The following PHF21B variants were observed in gnomAD, a reference collection of about 807,000 sequenced individuals.
PHF21B encodes PHD finger protein 4.
In PHF21B, 22 loss-of-function variants were observed where a neutral mutation model predicts 62.2. The ratio of observed to expected loss-of-function variants is 0.35; its 90% CI spans 0.25 to 0.51. PHF21B has a LOEUF of 0.51. Ranked by LOEUF, PHF21B falls within the 20% of genes least tolerant of loss-of-function variation. PHF21B has a pLI of 0.97. For synonymous variants in PHF21B, 341 were observed against 314.7 expected (o/e 1.08, Z -0.88); for missense variants, 701 against 707.9 (o/e 0.99, Z 0.11).
chr22:44,921,146 G>GC (rs1159071469), intron 2 of PHF21B, among the ~76,000 whole-genome samples: 1 of 152,128 alleles, frequency 6.6e-6, no homozygotes, highest in South Asian at 2.1e-4. Context: ...CCAAATCCCA[G>GC]CCCCCCAATA....
rs1233569670 is a variant in PHF21B at position 44,883,067 on chromosome 22, G to C, written c.*19C>G. ...GGTCCCAATAACTTTCCGTGGGTAT[G>C]AAGACTGGTCCCTCGGGGTCAGTTG... On this transcript the variant is annotated 3_prime_UTR_variant, in exon 13 of 13. Transcript: ENST00000313237. 1 of 1,598,864 alleles carries C rather than the reference G, an allele frequency of 6.3e-7. No homozygotes were observed. The highest frequency in any genetic ancestry group is 8.5e-7 in the Non-Finnish European group (1 of 1,173,564).
rs1001637510 is a variant in PHF21B at position 44,886,054 on chromosome 22, C to T, written c.1198-116G>A. 5.6e-5 allele frequency: 49 copies of T among 881,422 alleles called. No individual in the cohort carries two copies. The East Asian group carries it at 1.2e-3, about 21-fold the overall frequency. 54.6% of individuals were successfully genotyped at this position (881,422 alleles called of 1,614,324 possible). A position where few individuals can be genotyped will look rare whatever the true frequency, so the allele number is the denominator to read the frequency against. The stretch of plus-strand genomic sequence containing the variant: ...CGCCCTGTCTGAGCCACAGGGTCCT[C>T]ACCCGTGACCAGGAGCTGGGGCCGC... On this transcript the variant is annotated intron_variant, in intron 10 of 12. Transcript: ENST00000313237.
At position 45,009,009 on chromosome 22, in the gene PHF21B, T is replaced by G; in HGVS notation, c.55-399A>C. The G allele has an allele frequency of 9.0e-7, 1 of 1,107,410 alleles. No homozygotes were observed. 68.6% of individuals were successfully genotyped at this position (1,107,410 alleles called of 1,614,324 possible). ...GCTCATAAATATTCAAGTCGCGTCC[T>G]AATCTCCCCAACACACACACGCGCA... On this transcript the variant is annotated intron_variant, in intron 1 of 12. Transcript: ENST00000313237. This position sits in a 1 kb window ranked among gnomAD's most constrained non-coding sequence, Gnocchi z 5.9.
rs1569247149 is a variant in PHF21B, at chr22:44,948,014, C to CTCCCCGCTGTTGTCCCTCA, written c.121-27525_121-27524insTGAGGGACAACAGCGGGGA. 8.5e-4 allele frequency among the ~76,000 whole-genome samples: 129 copies of CTCCCCGCTGTTGTCCCTCA among 152,244 alleles called. 1 individual carries two copies. The highest frequency in any genetic ancestry group is 2.9e-3 in the African/African-American group (120 of 41,548). ...TCCCTCCTCCCCGCTGTTGTCCCTCCTCCCCACTGCTGTCCCGTTCGGACG... is the reference window on the plus strand; with the variant it reads ...TCCCTCCTCCCCGCTGTTGTCCCTCCTCCCCGCTGTTGTCCCTCATCCCCACTGCTGTCCCGTTCGGACG... On this transcript the variant is annotated intron_variant, in intron 2 of 12. Coordinates refer to ENST00000313237, the MANE Select transcript of PHF21B (RefSeq NM_138415.5).
intron 2 of PHF21B, among the ~76,000 whole-genome samples, chr22:44,992,461 C>T (rs1318041245): frequency 5.3e-5 from 8 of 152,240 alleles, no homozygotes; most frequent in African/African-American, 1.9e-4. Flanking sequence ...CCTGCTCCAC[C>T]GCTGGCTGAT....
At chr22:44,995,967 G>A (rs1346795644) in intron 2 of PHF21B, among the ~76,000 whole-genome samples, 1 of 152,152 alleles carries the variant, frequency 6.6e-6, no homozygotes. Flanking sequence ...GTCGCAGAGG[G>A]GACAGTTCAC....
intron 2 of PHF21B, among the ~76,000 whole-genome samples, chr22:44,963,987 G>C (rs760113751): frequency 1.2e-4 from 18 of 152,244 alleles, no homozygotes; most frequent in Admixed American, 9.2e-4. Context: ...TGGCTCCAGG[G>C]CCAGCCAGCT....
At chr22:45,002,814 TCTC>T (rs1365436449) in intron 2 of PHF21B, 2 of 152,376 alleles carry the variant, frequency 1.3e-5, no homozygotes, top group Non-Finnish European at 2.9e-5. Flanking sequence ...CTGCCCTCTC[TCTC>T]CTCCTCGTTC....
chr22:44,896,883 T>TTTTTTGTTTTTG (rs1555933181), intron 5 of PHF21B, among the ~76,000 whole-genome samples: 11 of 132,344 alleles, frequency 8.3e-5, no homozygotes, highest in East Asian at 6.7e-4. Flanking sequence ...TTTATCTGTT[T>TTTTTTGTTTTTG]TTTTTTTTTT....
chr22:44,996,049 C>T (rs546702825), intron 2 of PHF21B, among the ~76,000 whole-genome samples: 2 of 152,286 alleles, frequency 1.3e-5, no homozygotes, highest in South Asian at 4.1e-4. Context: ...CCAAACATCA[C>T]ACTTCATTTC....
At chr22:44,946,178 G>A (rs886952176) in intron 2 of PHF21B, among the ~76,000 whole-genome samples, 2 of 152,104 alleles carry the variant, frequency 1.3e-5, no homozygotes, top group Admixed American at 6.5e-5. Context: ...GGTGCACTGC[G>A]GCAGAGCCCA....
At chr22:44,924,130 G>T (rs1949302984) in intron 2 of PHF21B, among the ~76,000 whole-genome samples, 1 of 149,222 alleles carries the variant, frequency 6.7e-6, no homozygotes, top group Non-Finnish European at 1.5e-5. Flanking sequence ...GGAGGAAGGA[G>T]AACAACAACA....
intron 2 of PHF21B, among the ~76,000 whole-genome samples, chr22:44,958,248 T>C (rs1002471896): frequency 3.9e-5 from 6 of 151,932 alleles, no homozygotes; most frequent in African/African-American, 1.5e-4. Context: ...GCTTCTGGCA[T>C]CCGGGCCTGC....
At chr22:44,961,851 A>G (rs1339937430) in intron 2 of PHF21B, among the ~76,000 whole-genome samples, 1 of 94,928 alleles carries the variant, frequency 1.1e-5, no homozygotes, top group Non-Finnish European at 2.1e-5. Flanking sequence ...TCTCAAAATA[A>G]ATAAATAAAT....
At chr22:44,894,893 C>T (rs976687925) in intron 6 of PHF21B, among the ~76,000 whole-genome samples, 2 of 152,314 alleles carry the variant, frequency 1.3e-5, no homozygotes, top group East Asian at 1.9e-4. Flanking sequence ...CCACTTGCCC[C>T]GGATGAGCTG....
At chr22:44,969,669 A>AAAAAAG (rs569618502) in intron 2 of PHF21B, among the ~76,000 whole-genome samples, 2 of 151,956 alleles carry the variant, frequency 1.3e-5, no homozygotes, top group Admixed American at 6.5e-5. Flanking sequence ...CAGTCTCAAA[A>AAAAAAG]AAAAAGAAAA....
At chr22:44,929,193 A>C (rs1380792724) in intron 2 of PHF21B, among the ~76,000 whole-genome samples, 1 of 152,242 alleles carries the variant, frequency 6.6e-6, no homozygotes, top group East Asian at 1.9e-4. Flanking sequence ...AATATAACAT[A>C]AGCACCACTT....
intron 7 of PHF21B, among the ~76,000 whole-genome samples, chr22:44,891,565 G>A (rs1249506171): frequency 6.6e-6 from 1 of 152,126 alleles, no homozygotes; most frequent in Non-Finnish European, 1.5e-5. Flanking sequence ...GGCGGGGCGG[G>A]GCAGGGAAGT....
chr22:44,953,558 C>T (rs1194462530), intron 2 of PHF21B, among the ~76,000 whole-genome samples: 1 of 152,100 alleles, frequency 6.6e-6, no homozygotes, highest in Non-Finnish European at 1.5e-5. Context: ...CTGTGAACTC[C>T]TCTAAATGTT....
Sources: allele counts gnomAD v4.1 joint callset (sites outside exome capture counted in the v4.1 genomes callset), GRCh38; gene constraint gnomAD v4.1.1; non-coding constraint Gnocchi (gnomAD v3.1); transcripts MANE v1.5; gene names NCBI Gene and HGNC (gene_info 2026-07-23, HGNC 2026-07-21).